The following RAB11FIP3 variants were observed in gnomAD, a reference collection of about 807,000 sequenced individuals.
RAB11FIP3 encodes RAB11 family interacting protein 3.
Under a neutral mutation model 77.8 loss-of-function variants are expected in RAB11FIP3, and 17 were observed. That is an observed-to-expected ratio of 0.22 (90% CI 0.15 to 0.33). The LOEUF is 0.33. RAB11FIP3 is among the 10% of genes least tolerant of loss of function. RAB11FIP3 has a pLI of 1.00. For missense variants in RAB11FIP3, 1,005 were observed against 1,011.2 expected (o/e 0.99, Z 0.08); for synonymous variants, 437 against 448.2 (o/e 0.98, Z 0.31).
chr16:447,567 C>G (rs747550952), intron 1 of RAB11FIP3, among the ~76,000 whole-genome samples: 1 of 152,134 alleles, frequency 6.6e-6, no homozygotes, highest in South Asian at 2.1e-4. Flanking sequence ...GAAACCTCGT[C>G]TCTCCTAATA....
intron 7 of RAB11FIP3, 42 bp downstream of exon 7, chr16:503,139 A>C: frequency 6.6e-7 from 1 of 1,515,702 alleles, no homozygotes; most frequent in Non-Finnish European, 9.1e-7. Flanking sequence ...TAGGGGATTT[A>C]GAACACAGCC....
rs770503134 is a variant in RAB11FIP3 at position 426,420 on chromosome 16, G to A, written c.414G>A (p.Pro138=). ...EPEECGPASC[P]ESAPFRLQGS... ...AGGAGTGTGGCCCCGCGAGCTGCCC[G>A]GAGAGCGCGCCTTTCCGCTTGCAGG... Residue 138 remains proline, a synonymous_variant, in exon 1 of 14, where the codon CCG becomes CCA. Transcript: ENST00000262305. This position sits in a 1 kb window ranked among gnomAD's most constrained non-coding sequence, Gnocchi z 5.0. 6 of 1,583,692 alleles carry A rather than the reference G, an allele frequency of 3.8e-6. No individual in the cohort carries two copies. The highest frequency in any genetic ancestry group is 1.3e-5 in the African/African-American group (1 of 74,172).
intron 1 of RAB11FIP3, among the ~76,000 whole-genome samples, chr16:429,306 G>A (rs1183902693): frequency 6.6e-6 from 1 of 151,966 alleles, no homozygotes; most frequent in Admixed American, 6.6e-5. Flanking sequence ...ATTTCCAAAA[G>A]ATACCGATTC....
rs2055833855 is a variant in RAB11FIP3 at position 472,902 on chromosome 16, A to C, written c.903+1513A>C. Among the ~76,000 whole-genome samples the C allele has an allele frequency of 6.6e-6, 1 of 152,108 alleles. No individual in the cohort carries two copies. The highest frequency in any genetic ancestry group is 1.5e-5 in the Non-Finnish European group (1 of 68,018). ...GTGACAGGTGTCCCTGGAAGACGGG[A>C]GAGACACACAGGGGGAAGACCATAG... On this transcript the variant is annotated intron_variant, in intron 3 of 13. Transcript: ENST00000262305. The surrounding 1 kb of genome is among the most constrained non-coding windows in gnomAD (Gnocchi z 4.1).
At chr16:446,467 T>C (rs912125413) in intron 1 of RAB11FIP3, among the ~76,000 whole-genome samples, 53 of 152,296 alleles carry the variant, frequency 3.5e-4, no homozygotes, top group African/African-American at 1.2e-3. Context: ...GTCTTCCAGG[T>C]GGCCTTTGGC....
intron 3 of RAB11FIP3, among the ~76,000 whole-genome samples, chr16:479,858 C>CA (rs2055998324): frequency 6.6e-6 from 1 of 152,230 alleles, no homozygotes; most frequent in East Asian, 1.9e-4. Context: ...ATCAAGGCTG[C>CA]AGTGAGCTGA....
intron 9 of RAB11FIP3, among the ~76,000 whole-genome samples, chr16:516,154 T>G (rs775544221): frequency 6.6e-6 from 1 of 152,184 alleles, no homozygotes; most frequent in Non-Finnish European, 1.5e-5. Flanking sequence ...CAAGAGCAAG[T>G]CCCCTCCTGG....
intron 6 of RAB11FIP3, 91 bp from the exon 7 acceptor site, chr16:502,913 C>A: frequency 9.5e-7 from 1 of 1,052,336 alleles, no homozygotes; most frequent in East Asian, 2.4e-5. Context: ...CTGCTGCCTG[C>A]TTTTCAGATT....
chr16:511,510 C>T (rs1446066612), intron 9 of RAB11FIP3, among the ~76,000 whole-genome samples: 20 of 116,378 alleles, frequency 1.7e-4, no homozygotes, highest in African/African-American at 5.8e-4. Context: ...CCGCCAACCC[C>T]AGAACCTGCA....
At chr16:429,351 A>G (rs1364750329) in intron 1 of RAB11FIP3, among the ~76,000 whole-genome samples, 1 of 152,114 alleles carries the variant, frequency 6.6e-6, no homozygotes, top group East Asian at 1.9e-4. Context: ...TAAAAACGCT[A>G]GGGAACAGTT....
intron 4 of RAB11FIP3, among the ~76,000 whole-genome samples, chr16:488,553 C>A (rs1055150618): frequency 2.0e-5 from 3 of 151,976 alleles, no homozygotes; most frequent in African/African-American, 4.8e-5. Context: ...GGACTACAGT[C>A]GTGCGCATCC....
intron 1 of RAB11FIP3, among the ~76,000 whole-genome samples, chr16:460,248 T>C (rs570470899): frequency 2.6e-5 from 4 of 152,334 alleles, no homozygotes; most frequent in South Asian, 4.1e-4. Flanking sequence ...ATATATGATT[T>C]GCAAATACTT....
At chr16:467,020 C>T (rs925663511) in intron 2 of RAB11FIP3, among the ~76,000 whole-genome samples, 13 of 152,156 alleles carry the variant, frequency 8.5e-5, no homozygotes, top group Non-Finnish European at 1.8e-4. Flanking sequence ...GCAACGGGCC[C>T]GTGAGTGCTG....
chr16:433,811 G>GA (rs1399592562), intron 1 of RAB11FIP3, among the ~76,000 whole-genome samples: 1 of 150,436 alleles, frequency 6.6e-6, no homozygotes, highest in Non-Finnish European at 1.5e-5. Flanking sequence ...AGCCGAGATC[G>GA]TGCCACTGCA....
Position 471,481 on chromosome 16 carries a change from C to A in RAB11FIP3, c.903+92C>A. On this transcript the variant is annotated intron_variant, in intron 3 of 13. Coordinates refer to ENST00000262305, the MANE Select transcript of RAB11FIP3 (RefSeq NM_014700.4). This position sits in a 1 kb window ranked among gnomAD's most constrained non-coding sequence, Gnocchi z 4.4. The stretch of plus-strand genomic sequence containing the variant: ...CTCGTGCCTCCTGCCTCCGGGCTGT[C>A]TTCCGTAGAAGCTGGCGTGAAGGAA... The A allele has an allele frequency of 1.8e-6, 2 of 1,132,162 alleles. No individual in the cohort carries two copies. Among genetic ancestry groups the A allele is most frequent in the Non-Finnish European group, 2.6e-6 (2 of 769,712 alleles). 70.1% of individuals were successfully genotyped at this position (1,132,162 alleles called of 1,614,324 possible). A position where few individuals can be genotyped will look rare whatever the true frequency, so the allele number is the denominator to read the frequency against.
rs2030421162 is a variant in RAB11FIP3 at position 492,383 on chromosome 16, C to CCAGGGCCCTCCCGGGAGACCCGAGGCCGT, written c.1265+3384_1265+3385insAGGGCCCTCCCGGGAGACCCGAGGCCGTC. Among the ~76,000 whole-genome samples, 20 of 100,212 alleles carry CCAGGGCCCTCCCGGGAGACCCGAGGCCGT rather than the reference C, an allele frequency of 2.0e-4. 2 individuals are homozygous for CCAGGGCCCTCCCGGGAGACCCGAGGCCGT. Among genetic ancestry groups the CCAGGGCCCTCCCGGGAGACCCGAGGCCGT allele is most frequent in the African/African-American group, 1.4e-3 (19 of 13,770 alleles). The allele number at this position is 100,212 out of a possible 152,430, so 65.7% of individuals were successfully genotyped here. On this transcript the variant is annotated intron_variant, in intron 5 of 13. Transcript: ENST00000262305. ...GGTCTTCCCGGGAGACCCGAGGCCG[C>CCAGGGCCCTCCCGGGAGACCCGAGGCCGT]CCAGAGCCCTCCCCGGGAGACCCGA... is the stretch of plus-strand genomic sequence containing the variant.
intron 5 of RAB11FIP3, among the ~76,000 whole-genome samples, chr16:489,861 G>T (rs1473418820): frequency 6.6e-6 from 1 of 152,236 alleles, no homozygotes; most frequent in Non-Finnish European, 1.5e-5. Flanking sequence ...TCAGCCCTGG[G>T]TGTGGGGACC....
chr16:458,533 C>G (rs796550586), intron 1 of RAB11FIP3, among the ~76,000 whole-genome samples: 25 of 44,224 alleles, frequency 5.7e-4, no homozygotes, highest in East Asian at 1.8e-3. Context: ...CTCGGGTTCA[C>G]CGATGCCCAC....
At chr16:492,450 G>GCCGTCCAGA (rs1567392309) in intron 5 of RAB11FIP3, among the ~76,000 whole-genome samples, 1 of 68,584 alleles carries the variant, frequency 1.5e-5, no homozygotes, top group African/African-American at 9.6e-5. Flanking sequence ...GGCCGCCCAG[G>GCCGTCCAGA]GCCCTTCCCG....
Sources: gnomAD v4.1 joint callset for allele counts (sites outside exome capture counted in the v4.1 genomes callset) on GRCh38, gnomAD v4.1.1 for gene constraint, Gnocchi (gnomAD v3.1) non-coding constraint, MANE v1.5 for transcripts, NCBI Gene and HGNC (gene_info 2026-07-23, HGNC 2026-07-21) for gene names.